Variants in CPXM2 observed in about 807,000 individuals in gnomAD.
CPXM2 encodes the protein inactive carboxypeptidase-like protein X2.
In CPXM2, 66 loss-of-function variants were observed where a neutral mutation model predicts 86.1. The ratio of observed to expected loss-of-function variants is 0.77; its 90% CI spans 0.63 to 0.94. CPXM2 has a LOEUF of 0.94. Among genes scored for constraint, CPXM2 ranks in the 40% least tolerant of loss-of-function variants. The pLI, the probability that CPXM2 is intolerant of heterozygous loss-of-function variation, is 0.00. For missense variants in CPXM2, 948 were observed against 1,026.3 expected (o/e 0.92, Z 1.04); for synonymous variants, 388 against 400.2 (o/e 0.97, Z 0.36).
intron 13 of CPXM2, chr10:123,751,487 T>A (rs1846075533): frequency 6.1e-6 from 6 of 984,098 alleles, no homozygotes; most frequent in Non-Finnish European, 7.2e-6. Context: ...CCCTGACACA[T>A]CTCCTATACG....
At chr10:123,761,027 G>A (rs141275357) in intron 11 of CPXM2, among the ~76,000 whole-genome samples, 6 of 152,296 alleles carry the variant, frequency 3.9e-5, no homozygotes, top group East Asian at 1.9e-4. Context: ...GAGGGACTTC[G>A]GAAATGGGAC....
At chr10:123,823,026 A>G (rs774355081) in intron 4 of CPXM2, among the ~76,000 whole-genome samples, 71 of 152,336 alleles carry the variant, frequency 4.7e-4, no homozygotes, top group Middle Eastern at 3.4e-3. Flanking sequence ...TAGGGGAATT[A>G]TATCTCAATA....
intron 2 of CPXM2, among the ~76,000 whole-genome samples, chr10:123,875,866 G>A (rs1315067810): frequency 1.4e-5 from 2 of 139,072 alleles, no homozygotes; most frequent in African/African-American, 5.4e-5. Flanking sequence ...ACCCAGGCTG[G>A]AGTGCAATGG....
intron 4 of CPXM2, among the ~76,000 whole-genome samples, chr10:123,836,113 T>G (rs574106091): frequency 1.3e-5 from 2 of 152,216 alleles, no homozygotes; most frequent in South Asian, 4.2e-4. Flanking sequence ...CAGGGTCCAG[T>G]GTACCCTGGA....
intron 10 of CPXM2, among the ~76,000 whole-genome samples, chr10:123,763,528 G>A (rs1363748621): frequency 1.3e-5 from 2 of 151,014 alleles, no homozygotes; most frequent in Non-Finnish European, 2.9e-5. Context: ...ATATCGTTTG[G>A]GTTTACTTGC....
At chr10:123,917,417 G>A (rs931532815) in intron 2 of CPXM2, among the ~76,000 whole-genome samples, 4 of 152,160 alleles carry the variant, frequency 2.6e-5, no homozygotes, top group African/African-American at 4.8e-5. Context: ...AAGACATCAG[G>A]GAGTTGGAGA....
chr10:123,933,643 G>A (rs992557279), intron 2 of CPXM2, among the ~76,000 whole-genome samples: 34 of 152,094 alleles, frequency 2.2e-4, no homozygotes, highest in African/African-American at 7.7e-4. Context: ...GCTTGAACCC[G>A]GGAGGCAGAG....
intron 2 of CPXM2, among the ~76,000 whole-genome samples, chr10:123,929,899 T>C (rs1442154352): frequency 6.6e-6 from 1 of 152,192 alleles, no homozygotes; most frequent in African/African-American, 2.4e-5. Context: ...CACCGGGTCA[T>C]GCTTCCTTCC....
intron 4 of CPXM2, among the ~76,000 whole-genome samples, chr10:123,830,795 T>A (rs1368065495): frequency 2.0e-5 from 3 of 151,994 alleles, no homozygotes; most frequent in Admixed American, 2.0e-4. Context: ...GAAAATGTTA[T>A]CTTATGTCTA....
At chr10:123,872,370 T>C (rs7915959) in intron 2 of CPXM2, among the ~76,000 whole-genome samples, 6,146 of 152,210 alleles carry the variant, frequency 0.04, 168 homozygotes, top group East Asian at 0.11. Flanking sequence ...CCATGCTATA[T>C]ACAACAACAT....
chr10:123,800,690 G>A (rs1285098710), intron 4 of CPXM2, among the ~76,000 whole-genome samples: 1 of 151,844 alleles, frequency 6.6e-6, no homozygotes, highest in Non-Finnish European at 1.5e-5. Flanking sequence ...CAATAAGAGG[G>A]GAGTAAAGAG....
Position 123,920,865 on chromosome 10 carries a change from C to A in CPXM2, n.174+18612G>T, listed in dbSNP as rs76185133. On this transcript the variant is annotated intron_variant and non_coding_transcript_variant, in intron 2 of 19. Transcript: ENST00000368854. ...CTCCCTCTTCTCTTTTTCTCTCTCA[C>A]ATGCACGACTTTGCCCTTCCACCTT... Among the ~76,000 whole-genome samples, 542 of 152,272 alleles carry A rather than the reference C, an allele frequency of 3.6e-3. 2 individuals are homozygous for A. The highest frequency in any genetic ancestry group is 0.013 in the African/African-American group (521 of 41,552).
chr10:123,943,153 C>T (rs1256973662), upstream of CPXM2, among the ~76,000 whole-genome samples: 2 of 82,304 alleles, frequency 2.4e-5, no homozygotes, highest in South Asian at 2.9e-4. Flanking sequence ...AGTTAAGCAA[C>T]GTATGACTGT....
At chr10:123,820,535 C>T (rs115820100) in intron 4 of CPXM2, among the ~76,000 whole-genome samples, 1,608 of 152,308 alleles carry the variant, frequency 0.011, 25 homozygotes, top group African/African-American at 0.034. Flanking sequence ...TTCCCTATGA[C>T]TGCTGTAACA....
chr10:123,803,561 G>A (rs55796752), intron 4 of CPXM2, among the ~76,000 whole-genome samples: 8,336 of 152,112 alleles, frequency 0.055, 295 homozygotes, highest in East Asian at 0.084. Context: ...TCTAAAAAAC[G>A]TTATTGCTTT....
chr10:123,749,184 G>A (rs1463139710), intron 13 of CPXM2, among the ~76,000 whole-genome samples: 2 of 151,984 alleles, frequency 1.3e-5, no homozygotes, highest in African/African-American at 4.8e-5. Flanking sequence ...CCCACCAACA[G>A]CTATTGTGGG....
At chr10:123,795,832 A>AAC (rs1440980669) in intron 6 of CPXM2, among the ~76,000 whole-genome samples, 1 of 152,082 alleles carries the variant, frequency 6.6e-6, no homozygotes, top group Non-Finnish European at 1.5e-5. Context: ...CCCATCTTCA[A>AAC]ACACGCACAC....
intron 4 of CPXM2, among the ~76,000 whole-genome samples, chr10:123,828,188 A>G (rs1485812306): frequency 6.6e-6 from 1 of 152,182 alleles, no homozygotes; most frequent in Non-Finnish European, 1.5e-5. Context: ...AGAAAAAAGA[A>G]AAAAAGTTAA....
chr10:123,899,506 G>C (rs1293129266), intron 2 of CPXM2, among the ~76,000 whole-genome samples: 1 of 152,240 alleles, frequency 6.6e-6, no homozygotes, highest in African/African-American at 2.4e-5. Context: ...GCTCTTGCAT[G>C]GGCAACTTGG....
Sources: gnomAD v4.1 joint callset for allele counts (sites outside exome capture counted in the v4.1 genomes callset) on GRCh38, gnomAD v4.1.1 for gene constraint, MANE v1.5 for transcripts, NCBI Gene and HGNC (gene_info 2026-07-23, HGNC 2026-07-21) for gene names.